Variants in JMJD1C observed in about 807,000 individuals in gnomAD.
JMJD1C encodes the protein jumonji domain-containing protein 1C.
Under a neutral mutation model 245.3 loss-of-function variants are expected in JMJD1C, and 31 were observed. The ratio of observed to expected loss-of-function variants is 0.13; its 90% CI spans 0.09 to 0.17. The LOEUF (loss-of-function observed/expected upper bound fraction) is 0.17, where lower values mean the gene tolerates loss of function less well. Ranked by LOEUF, JMJD1C falls within the 10% of genes least tolerant of loss-of-function variation. The pLI, the probability that JMJD1C is intolerant of heterozygous loss-of-function variation, is 1.00. For synonymous variants in JMJD1C, 1,057 were observed against 1,017.4 expected (o/e 1.04, Z -0.74); for missense variants, 2,691 against 3,000.2 (o/e 0.90, Z 2.41).
chr10:63,173,907 T>C (rs1034323784), intron 24 of JMJD1C, among the ~76,000 whole-genome samples: 1 of 152,080 alleles, frequency 6.6e-6, no homozygotes. Flanking sequence ...TTAACCAAAG[T>C]AGATATACAG....
Position 63,191,031 on chromosome 10 carries a change from T to A in JMJD1C, c.6154A>T (p.Thr2052Ser). 6.2e-7 allele frequency: 1 copy of A among 1,614,218 alleles called. No homozygotes were observed. Among genetic ancestry groups the A allele is most frequent in the Non-Finnish European group, 8.5e-7 (1 of 1,180,010 alleles). ...QDNSESPNGR[T>S]SPLVSQNNEQ... ...TTATTCTGGGACACAAGAGGTGATG[T>A]TCTGCCATTTGGAGATTCAGAGTTG... The change falls in exon 17 of 26, where the codon ACA becomes TCA. Residue 2052 changes from threonine to serine, a missense_variant. By Grantham distance (58) the Thr-to-Ser change is moderately conservative. Coordinates refer to ENST00000399262, the MANE Select transcript of JMJD1C (RefSeq NM_032776.3).
At chr10:63,409,072 G>A (rs1024219698) in intron 1 of JMJD1C, among the ~76,000 whole-genome samples, 4 of 152,164 alleles carry the variant, frequency 2.6e-5, no homozygotes, top group Non-Finnish European at 4.4e-5. Context: ...CAAAAATTGT[G>A]TTGACATTTT....
chr10:63,273,244 A>C (rs1856496373), intron 2 of JMJD1C, among the ~76,000 whole-genome samples: 1 of 152,214 alleles, frequency 6.6e-6, no homozygotes, highest in Non-Finnish European at 1.5e-5. Flanking sequence ...TCCAGGCCAG[A>C]GTGCAGTGGA....
At chr10:63,445,361 AG>A (rs941563978) in intron 1 of JMJD1C, among the ~76,000 whole-genome samples, 1 of 152,244 alleles carries the variant, frequency 6.6e-6, no homozygotes, top group African/African-American at 2.4e-5. Flanking sequence ...AAAATGAGCA[AG>A]CATGTTAACA....
At chr10:63,487,062 G>A (rs934365945) in intron 1 of JMJD1C, among the ~76,000 whole-genome samples, 10 of 152,154 alleles carry the variant, frequency 6.6e-5, no homozygotes, top group African/African-American at 2.2e-4. Context: ...AAAGATAATA[G>A]CTTCTATTTT....
At chr10:63,456,497 A>G (rs1952424157) in intron 1 of JMJD1C, among the ~76,000 whole-genome samples, 1 of 152,132 alleles carries the variant, frequency 6.6e-6, no homozygotes, top group Admixed American at 6.5e-5. Context: ...ACATTAACAT[A>G]CTGCTTCCTT....
intron 1 of JMJD1C, among the ~76,000 whole-genome samples, chr10:63,408,219 C>A (rs1474034306): frequency 1.3e-5 from 2 of 151,878 alleles, no homozygotes; most frequent in Non-Finnish European, 2.9e-5. Flanking sequence ...CTGGCTAACA[C>A]GGTGAAACCC....
chr10:63,430,101 G>C (rs1426767222), intron 1 of JMJD1C, among the ~76,000 whole-genome samples: 2 of 152,184 alleles, frequency 1.3e-5, no homozygotes, highest in African/African-American at 4.8e-5. Context: ...ATGGGGGAAA[G>C]AAGAGTCTCT....
In JMJD1C at chr10:63,177,844, T is replaced by G. The variant is rs779521855; in HGVS notation, c.7097A>C (p.Lys2366Thr). ...GILSKAGILK[K>T]FEEEDLDDIL... ...GTCATCCAAATCTTCTTCCTCAAATTTCTTGAGAATTCCTGAAACAAAGGA... is the reference window on the plus strand; with the variant it reads ...GTCATCCAAATCTTCTTCCTCAAATGTCTTGAGAATTCCTGAAACAAAGGA... Residue 2366 changes from lysine (K) to threonine (T), a missense_variant, in exon 23 of 26, where the codon AAA (lysine) becomes ACA (threonine). Lys to Thr is a moderately conservative substitution (Grantham distance 78, BLOSUM62 -1). This residue lies in a region of JMJD1C where 232 missense variants were observed against 416.1 expected (regional missense o/e 0.56). Coordinates refer to ENST00000399262, the MANE Select transcript of JMJD1C (RefSeq NM_032776.3). 1.2e-6 allele frequency: 2 copies of G among 1,611,268 alleles called. No individual in the cohort carries two copies. The highest frequency in any genetic ancestry group is 2.2e-5 in the South Asian group (2 of 90,086).
At position 63,209,185 on chromosome 10, in the gene JMJD1C, A is replaced by G. The variant is rs1196973332; in HGVS notation, c.2745T>C (p.Asp915=). The G allele has an allele frequency of 6.2e-7, 1 of 1,613,762 alleles. No individual in the cohort carries two copies. The highest frequency in any genetic ancestry group is 1.7e-5 in the Admixed American group (1 of 59,976). ...GAATGTGACTAAGTAATCCAATACC[A>G]TCTGCTGAGGTCACAGGGGTGGGCT... The part of the protein sequence containing the change: ...LHQPTPVTSA[D]GIGLLSHIPV... Residue 915 remains aspartate (D), a synonymous_variant, in exon 9 of 26, where the codon GAT becomes GAC. Transcript: ENST00000399262.
rs1398531236 is a variant in JMJD1C, at chr10:63,465,442, C to G, written c.168+53G>C. The G allele has an allele frequency of 3.3e-6, 5 of 1,507,112 alleles. No homozygotes were observed. In the African/African-American group the frequency reaches 5.5e-5, roughly 16 times the overall value. The allele number at this position is 1,507,112 out of a possible 1,614,324, so 93.4% of individuals were successfully genotyped here. ...GAGGGAAGCCTGCAAGGTACGTCTG[C>G]GAGAGCCGGGTGCGGGCGCGGCAGG... On this transcript the variant is annotated intron_variant, in intron 1 of 25. Transcript: ENST00000399262.
chr10:63,206,650 A>G lies in JMJD1C; in HGVS notation c.5019T>C (p.Val1673=). 2 of 1,609,184 alleles carry G rather than the reference A, an allele frequency of 1.2e-6. No homozygotes were observed. Among genetic ancestry groups the G allele is most frequent in the African/African-American group, 1.3e-5 (1 of 74,568 alleles). Residue 1673 remains valine, a synonymous_variant, in exon 10 of 26, where the codon GTT becomes GTC. Transcript: ENST00000399262. The part of the protein sequence containing the change: ...EIEEDLKPNG[V]LSRSAKERSK... ...TTCTTTCTTTGGCACTCCTGCTGAG[A>G]ACTCCATTGGGTTTCAAATCTTCTT...
chr10:63,503,401 G>T (rs181485598), intron 1 of JMJD1C, among the ~76,000 whole-genome samples: 1 of 152,100 alleles, frequency 6.6e-6, no homozygotes, highest in Non-Finnish European at 1.5e-5. Flanking sequence ...AAACATTTTC[G>T]TAGTGTGAAA....
intron 1 of JMJD1C, among the ~76,000 whole-genome samples, chr10:63,514,641 G>C (rs1026821509): frequency 1.1e-4 from 16 of 151,982 alleles, no homozygotes; most frequent in African/African-American, 3.6e-4. Context: ...AGGGAGGGAG[G>C]GGGTGGAAGG....
chr10:63,359,373 TACTA>T (rs1410271516), intron 2 of JMJD1C, among the ~76,000 whole-genome samples: 6 of 152,366 alleles, frequency 3.9e-5, no homozygotes, highest in African/African-American at 1.2e-4. Flanking sequence ...GAATTTATCC[TACTA>T]ACTTTCATTT....
chr10:63,224,223 G>A (rs976327274), intron 3 of JMJD1C, among the ~76,000 whole-genome samples: 2 of 151,984 alleles, frequency 1.3e-5, no homozygotes, highest in African/African-American at 4.8e-5. Flanking sequence ...TTCAAACTCT[G>A]GTCTCTCAAT....
At position 63,192,996 on chromosome 10, in the gene JMJD1C, C is replaced by G; in HGVS notation, c.6018G>C (p.Gln2006His). ...TDNKLTPPESQSPLHWLADLA... is the reference protein window; with the variant it reads ...TDNKLTPPESHSPLHWLADLA... ...GATCTGCTAACCAGTGCAGTGGTGACTGGGATTCTGGAGGAGTTAACTTGT... is the reference window on the plus strand; with the variant it reads ...GATCTGCTAACCAGTGCAGTGGTGAGTGGGATTCTGGAGGAGTTAACTTGT... The change falls in exon 16 of 26, where the codon CAG (glutamine) becomes CAC (histidine). Residue 2006 changes from glutamine to histidine, a missense_variant. Physicochemically the swap from Gln to His is conservative, Grantham distance 24. Coordinates refer to ENST00000399262, the MANE Select transcript of JMJD1C (RefSeq NM_032776.3). The G allele has an allele frequency of 6.2e-7, 1 of 1,614,086 alleles. No homozygotes were observed. The highest frequency in any genetic ancestry group is 8.5e-7 in the Non-Finnish European group (1 of 1,180,020).
chr10:63,235,278 C>T (rs1850594712), intron 3 of JMJD1C, among the ~76,000 whole-genome samples: 1 of 151,980 alleles, frequency 6.6e-6, no homozygotes, highest in South Asian at 2.1e-4. Flanking sequence ...GGTGGATCGC[C>T]TGAGGTCACG....
chr10:63,439,634 T>C (rs1951250303), intron 1 of JMJD1C, among the ~76,000 whole-genome samples: 1 of 152,196 alleles, frequency 6.6e-6, no homozygotes, highest in Non-Finnish European at 1.5e-5. Context: ...CTTATTTCTA[T>C]TTTATCAATC....
Sources: gnomAD v4.1 joint callset for allele counts (sites outside exome capture counted in the v4.1 genomes callset) on GRCh38, gnomAD v4.1.1 for gene constraint, gnomAD v4.1.1 regional missense constraint, MANE v1.5 for transcripts, NCBI Gene and HGNC (gene_info 2026-07-23, HGNC 2026-07-21) for gene names.